The following NOP53 variants were observed in gnomAD, a reference collection of about 807,000 sequenced individuals.
NOP53 encodes ribosome biogenesis protein NOP53.
A neutral mutation model predicts 61.0 loss-of-function variants in NOP53; 40 were observed. The observed-to-expected ratio is 0.66, with a 90% CI of 0.51 to 0.85. NOP53 has a LOEUF of 0.85. Among genes scored for constraint, NOP53 ranks in the 40% least tolerant of loss-of-function variants. The pLI is 0.00. For missense variants in NOP53, 689 were observed against 652.9 expected, an observed-to-expected ratio of 1.06 and a Z score of -0.60; for synonymous variants, 308 against 289.5, an observed-to-expected ratio of 1.06 and a Z score of -0.65.
intron 8 of NOP53, 110 bp from the exon 9 acceptor site, chr19:47,755,238 G>T: frequency 1.4e-6 from 1 of 691,096 alleles, no homozygotes; most frequent in Non-Finnish European, 2.2e-6. Flanking sequence ...GGGTTAGGAA[G>T]GGCCTCCGGG....
At chr19:47,751,802 C>A (rs1034757966) in intron 5 of NOP53, among the ~76,000 whole-genome samples, 1 of 152,090 alleles carries the variant, frequency 6.6e-6, no homozygotes, top group African/African-American at 2.4e-5. Flanking sequence ...CTATATCTTC[C>A]TCTAAAATGC....
chr19:47,752,564 C>T lies in NOP53; in HGVS notation c.722C>T (p.Ala241Val), dbSNP rs202204556. The T allele has an allele frequency of 2.0e-4, 315 of 1,610,736 alleles. No homozygotes were observed. Among genetic ancestry groups the T allele is most frequent in the Non-Finnish European group, 2.1e-4 (251 of 1,178,502 alleles). ...KPSQAPAVEV[A>V]PAGASYNPSF... ...TCCCAGGCACCCGCCGTGGAGGTGG[C>T]GCCTGCCGGAGCTTCCTACAATCCA... The change falls in exon 6 of 13, where the codon GCG becomes GTG. Residue 241 changes from alanine (A) to valine (V), a missense_variant. Ala to Val is a moderately conservative substitution (Grantham distance 64). Coordinates refer to ENST00000246802, the MANE Select transcript of NOP53 (RefSeq NM_015710.5).
chr19:47,750,082 T>A (rs1003995838), intron 2 of NOP53, 96 bp from the exon 3 acceptor site: 1 of 735,642 alleles, frequency 1.4e-6, no homozygotes, highest in African/African-American at 1.8e-5. Context: ...TGACTTGGGA[T>A]TCAGGTCTGA....
rs1967049133 is a variant in NOP53, at chr19:47,745,554, GA to G, written c.-5del. ...ACGCCAGTGGCTGAGTTCTTCCTTT[GA>G]CAAGATGGCGGCAGGAGGCAGTGGC... On this transcript the variant is annotated 5_prime_UTR_variant, in exon 1 of 13. Coordinates refer to ENST00000246802, the MANE Select transcript of NOP53 (RefSeq NM_015710.5). The G allele has an allele frequency of 6.2e-7, 1 of 1,612,932 alleles. No individual in the cohort carries two copies. The highest frequency in any genetic ancestry group is 1.1e-5 in the South Asian group (1 of 91,002).
rs1159651795 is a variant in NOP53 at position 47,745,718 on chromosome 19, G to C, written c.159G>C (p.Gln53His). 1 of 1,610,620 alleles carries C rather than the reference G, an allele frequency of 6.2e-7. No homozygotes were observed. The highest frequency in any genetic ancestry group is 8.5e-7 in the Non-Finnish European group (1 of 1,178,572). Residue 53 changes from glutamine to histidine, a missense_variant, in exon 1 of 13, where the codon CAG (glutamine) becomes CAC (histidine). Transcript: ENST00000246802. ...AGCGGGGCTGGCGGCGGCTTGCTCA[G>C]GAGCCGCTGGGGCTGGAGGTTGACC... Reference protein sequence around the residue: ...NKKRGWRRLAQEPLGLEVDQF... With the variant: ...NKKRGWRRLAHEPLGLEVDQF...
chr19:47,748,767 C>T (rs371453556), intron 2 of NOP53, among the ~76,000 whole-genome samples: 4 of 152,064 alleles, frequency 2.6e-5, no homozygotes, highest in Admixed American at 6.6e-5. Context: ...TCATGGTACA[C>T]GCATGTAATC....
intron 9 of NOP53, 33 bp downstream of exon 9, chr19:47,755,556 T>C: frequency 1.4e-6 from 2 of 1,459,708 alleles, no homozygotes; most frequent in Non-Finnish European, 9.1e-7. Context: ...TGGGAGAGGC[T>C]GGGGAGGGGG....
rs113222696 is a variant in NOP53 at position 47,755,618 on chromosome 19, C to G, written c.1229+95C>G. ...TGCCTTTGTTCAGGAACTGCCCACC[C>G]CCCCCATCGGGAGACCACCTCTTCC... On this transcript the variant is annotated intron_variant, in intron 9 of 12. Transcript: ENST00000246802. The G allele has an allele frequency of 3.9e-5, 53 of 1,351,430 alleles. No homozygotes were observed. The Middle Eastern group carries it at 7.9e-4, about 20-fold the overall frequency. 83.7% of individuals were successfully genotyped at this position (1,351,430 alleles called of 1,614,324 possible).
At position 47,754,965 on chromosome 19, in the gene NOP53, C is replaced by T; in HGVS notation, c.1053+74C>T. The stretch of plus-strand genomic sequence containing the variant: ...CTTCCTTCCTCCCACCATGGGCTGC[C>T]CTGGGTGCTGCGGGCAGCCTGCACA... On this transcript the variant is annotated intron_variant, in intron 8 of 12. Transcript: ENST00000246802. This position sits in a 1 kb window ranked among gnomAD's most constrained non-coding sequence, Gnocchi z 4.2. 1 of 1,372,358 alleles carries T rather than the reference C, an allele frequency of 7.3e-7. No homozygotes were observed. 85.0% of individuals were successfully genotyped at this position (1,372,358 alleles called of 1,614,324 possible). A position where few individuals can be genotyped will look rare whatever the true frequency, so the allele number is the denominator to read the frequency against.
Position 47,755,399 on chromosome 19 carries a change from T to A in NOP53, c.1105T>A (p.Phe369Ile). 1 of 1,532,546 alleles carries A rather than the reference T, an allele frequency of 6.5e-7. No individual in the cohort carries two copies. Among genetic ancestry groups the A allele is most frequent in the East Asian group, 2.5e-5 (1 of 39,550 alleles). 94.9% of individuals were successfully genotyped at this position (1,532,546 alleles called of 1,614,324 possible). The change falls in exon 9 of 13, where the codon TTC (phenylalanine) becomes ATC (isoleucine). Residue 369 changes from phenylalanine (F) to isoleucine (I), a missense_variant. Transcript: ENST00000246802. ...CGCCCGGCTCCGGCACCAGGAGCTG[T>A]TCCGGCTGCGCGGGATCAAGGCCCA... is the stretch of plus-strand genomic sequence containing the variant. ...RAARLRHQEL[F>I]RLRGIKAQVA...
intron 10 of NOP53, 107 bp downstream of exon 10, chr19:47,755,929 GGCCAGTGGGGCCAATGCCCAGGGGCTGA>G: frequency 2.3e-6 from 2 of 856,092 alleles, no homozygotes; most frequent in African/African-American, 1.7e-5. Flanking sequence ...CCCTGGGCTG[GGCCAGTGGGGCCAATGCCCAGGGGCTGA>G]GGGCACGGGA....
chr19:47,746,855 A>T (rs1967070813), intron 1 of NOP53, 112 bp from the exon 2 acceptor site: 1 of 842,000 alleles, frequency 1.2e-6, no homozygotes, highest in Non-Finnish European at 2.0e-6. Flanking sequence ...CTTAGCCTGG[A>T]AGAGTCCGGT....
intron 3 of NOP53, among the ~76,000 whole-genome samples, chr19:47,750,641 G>C (rs1967112923): frequency 6.6e-6 from 1 of 152,118 alleles, no homozygotes; most frequent in Admixed American, 6.5e-5. Context: ...GTGATGCTGA[G>C]GTTGGTTTTG....
At position 47,754,671 on chromosome 19, in the gene NOP53, C is replaced by A; in HGVS notation, c.871-38C>A. 1 of 1,542,412 alleles carries A rather than the reference C, an allele frequency of 6.5e-7. No individual in the cohort carries two copies. The highest frequency in any genetic ancestry group is 2.3e-4 in the Middle Eastern group (1 of 4,440). On this transcript the variant is annotated intron_variant, in intron 7 of 12. Transcript: ENST00000246802. This position sits in a 1 kb window ranked among gnomAD's most constrained non-coding sequence, Gnocchi z 4.2. Reference sequence around the variant, plus strand: ...TGCCCACTCCCTCCCCTCCCCGGGCCTCCTACCCACCCCTGACACTGCACC... The same window carrying A: ...TGCCCACTCCCTCCCCTCCCCGGGCATCCTACCCACCCCTGACACTGCACC...
Position 47,757,038 on chromosome 19 carries a change from TAA to T in NOP53, c.*38_*39del, listed in dbSNP as rs142144226. 1.2e-6 allele frequency: 2 copies of T among 1,612,592 alleles called. No homozygotes were observed. The highest frequency in any genetic ancestry group is 1.7e-6 in the Non-Finnish European group (2 of 1,178,680). On this transcript the variant is annotated 3_prime_UTR_variant, in exon 13 of 13. Coordinates refer to ENST00000246802, the MANE Select transcript of NOP53 (RefSeq NM_015710.5). ...CAGATGCCGGAGACTCGCCCTTCAA[TAA>T]AAAATCTCTTCTAGCTGATCAGTGG...
chr19:47,756,272 C>A, intron 10 of NOP53: 1 of 571,004 alleles, frequency 1.8e-6, no homozygotes, highest in East Asian at 2.9e-5. Context: ...CCTTTGCCCT[C>A]GCTGTCCCCT....
intron 6 of NOP53, chr19:47,753,494 G>C (rs1967149008): frequency 6.7e-6 from 1 of 149,544 alleles, no homozygotes; most frequent in African/African-American, 2.5e-5. Flanking sequence ...TCACGTGACT[G>C]GAGAGATGCT....
rs1967159203 is a variant in NOP53 at position 47,754,274 on chromosome 19, T to C, written c.766-253T>C. On this transcript the variant is annotated intron_variant, in intron 6 of 12. Coordinates refer to ENST00000246802, the MANE Select transcript of NOP53 (RefSeq NM_015710.5). The surrounding 1 kb of genome is among the most constrained non-coding windows in gnomAD (Gnocchi z 4.2). ...TCTGGGCAACAAGACAGAAACTCTA[T>C]CTCAAAAAAAAAATGTGAAGCGTGC... 8.4e-6 allele frequency: 4 copies of C among 475,842 alleles called. No homozygotes were observed. In the South Asian group the frequency reaches 1.4e-4, roughly 17 times the overall value. 29.5% of individuals were successfully genotyped at this position (475,842 alleles called of 1,614,324 possible).
At chr19:47,752,088 C>T (rs1276102311) in intron 5 of NOP53, among the ~76,000 whole-genome samples, 5 of 151,012 alleles carry the variant, frequency 3.3e-5, no homozygotes, top group Admixed American at 1.3e-4. Context: ...GCCTGGGCAA[C>T]AAGAGCGAAA....
Sources: allele counts gnomAD v4.1 joint callset (sites outside exome capture counted in the v4.1 genomes callset), GRCh38; gene constraint gnomAD v4.1.1; non-coding constraint Gnocchi (gnomAD v3.1); transcripts MANE v1.5; gene names NCBI Gene and HGNC (gene_info 2026-07-23, HGNC 2026-07-21).